The following ZDHHC21 variants were observed in gnomAD, a reference collection of about 807,000 sequenced individuals.
The protein encoded by ZDHHC21 is palmitoyltransferase ZDHHC21.
A neutral mutation model predicts 34.6 loss-of-function variants in ZDHHC21; 15 were observed. That is an observed-to-expected ratio of 0.43 (90% CI 0.29 to 0.67). ZDHHC21 has a LOEUF of 0.67. ZDHHC21 is among the 30% of genes least tolerant of loss of function. The probability of loss-of-function intolerance (pLI) is 0.14; values close to 1 mark genes in which losing one functional copy is unlikely to be tolerated. For missense variants in ZDHHC21, 344 were observed against 327.7 expected (o/e 1.05, Z -0.38); for synonymous variants, 142 against 101.8 (o/e 1.40, Z -2.38).
intron 3 of ZDHHC21, 60 bp from the exon 4 acceptor site, chr9:14,674,445 AT>A: frequency 9.3e-7 from 1 of 1,076,184 alleles, no homozygotes; most frequent in Non-Finnish European, 1.3e-6. Flanking sequence ...TAAAACCTGT[AT>A]TTCTGGCAAC....
chr9:14,668,918 T>A (rs201317752), intron 5 of ZDHHC21, among the ~76,000 whole-genome samples: 13 of 117,958 alleles, frequency 1.1e-4, no homozygotes, highest in South Asian at 7.2e-4. Flanking sequence ...AACCTAGGCA[T>A]TACCATTCAG....
At chr9:14,621,524 T>C (rs1345023358) in intron 8 of ZDHHC21, among the ~76,000 whole-genome samples, 4 of 152,136 alleles carry the variant, frequency 2.6e-5, no homozygotes, top group Non-Finnish European at 5.9e-5. Context: ...ATAAGCATGG[T>C]TATTCTTTCA....
Position 14,615,069 on chromosome 9 carries a change from T to A in ZDHHC21, c.*3897A>T, listed in dbSNP as rs919591515. 1.3e-5 allele frequency: 2 copies of A among 151,714 alleles called. No homozygotes were observed. The highest frequency in any genetic ancestry group is 3.9e-4 in the East Asian group (2 of 5,186). The allele number at this position is 151,714 out of a possible 1,614,324, so 9.4% of individuals were successfully genotyped here. A position where few individuals can be genotyped will look rare whatever the true frequency, so the allele number is the denominator to read the frequency against. On this transcript the variant is annotated 3_prime_UTR_variant, in exon 10 of 10. Transcript: ENST00000380916. Reference sequence around the variant, plus strand: ...AATGGCATATTAAACCAGAGCTTGGTACATTGTGATTTTATAGCAATACAT... The same window carrying A: ...AATGGCATATTAAACCAGAGCTTGGAACATTGTGATTTTATAGCAATACAT...
At chr9:14,642,313 G>C (rs1022481911) in intron 7 of ZDHHC21, among the ~76,000 whole-genome samples, 3 of 152,100 alleles carry the variant, frequency 2.0e-5, no homozygotes, top group Non-Finnish European at 4.4e-5. Context: ...CTGTTCTCTA[G>C]AGTACATCTT....
chr9:14,615,570 C>T lies in ZDHHC21; in HGVS notation c.*3396G>A, dbSNP rs1393052418. ...TATTTTTATTATAATGAAACATCAG[C>T]TAACTTGATATTTTTAAACTGTAAG... On this transcript the variant is annotated 3_prime_UTR_variant, in exon 10 of 10. Coordinates refer to ENST00000380916, the MANE Select transcript of ZDHHC21 (RefSeq NM_178566.6). 1 of 151,548 alleles carries T rather than the reference C, an allele frequency of 6.6e-6. No homozygotes were observed. The highest frequency in any genetic ancestry group is 1.5e-5 in the Non-Finnish European group (1 of 67,648). 9.4% of individuals were successfully genotyped at this position (151,548 alleles called of 1,614,324 possible).
intron 8 of ZDHHC21, among the ~76,000 whole-genome samples, chr9:14,635,662 C>T (rs1828164603): frequency 6.6e-6 from 1 of 152,130 alleles, no homozygotes; most frequent in African/African-American, 2.4e-5. Flanking sequence ...TAGACTGGTC[C>T]TACAAGAAAT....
intron 8 of ZDHHC21, among the ~76,000 whole-genome samples, chr9:14,629,093 T>C (rs189911176): frequency 3.9e-5 from 6 of 152,312 alleles, no homozygotes; most frequent in East Asian, 1.9e-4. Flanking sequence ...GGATAACAAA[T>C]AGAATATATC....
intron 8 of ZDHHC21, among the ~76,000 whole-genome samples, chr9:14,635,306 T>C (rs540881762): frequency 6.6e-6 from 1 of 152,296 alleles, no homozygotes; most frequent in East Asian, 1.9e-4. Flanking sequence ...TAGCAAGTGA[T>C]CAAGACACCT....
chr9:14,657,888 G>A (rs1451027879), intron 7 of ZDHHC21, among the ~76,000 whole-genome samples: 1 of 151,998 alleles, frequency 6.6e-6, no homozygotes, highest in African/African-American at 2.4e-5. Flanking sequence ...TTACTCCAGG[G>A]AATATGTACA....
At chr9:14,678,814 G>C (rs979438456) in intron 3 of ZDHHC21, among the ~76,000 whole-genome samples, 1 of 152,064 alleles carries the variant, frequency 6.6e-6, no homozygotes, top group African/African-American at 2.4e-5. Context: ...TACACCCATA[G>C]TGTAGACTAT....
downstream of ZDHHC21, among the ~76,000 whole-genome samples, chr9:14,609,466 A>G (rs867993324): frequency 9.2e-5 from 14 of 152,134 alleles, no homozygotes; most frequent in African/African-American, 3.4e-4. Flanking sequence ...TTCAAGGACA[A>G]CTACTGACAG....
At chr9:14,644,315 A>G (rs987226680) in intron 7 of ZDHHC21, among the ~76,000 whole-genome samples, 1 of 152,176 alleles carries the variant, frequency 6.6e-6, no homozygotes, top group Admixed American at 6.5e-5. Flanking sequence ...TCTATGTGTA[A>G]TGACAGTTTT....
At chr9:14,664,248 G>C (rs572014532) in intron 5 of ZDHHC21, among the ~76,000 whole-genome samples, 2 of 152,106 alleles carry the variant, frequency 1.3e-5, no homozygotes, top group African/African-American at 4.8e-5. Context: ...AAGGGGTGAC[G>C]GACGCACCTG....
the ZDHHC21 span, among the ~76,000 whole-genome samples, chr9:14,599,896 G>A: frequency 1.3e-5 from 2 of 152,120 alleles, no homozygotes; most frequent in Non-Finnish European, 2.9e-5. Context: ...CAGAACCAAT[G>A]ACAGAAACCA....
chr9:14,685,809 G>A (rs79122400), intron 2 of ZDHHC21, among the ~76,000 whole-genome samples: 2,172 of 152,236 alleles, frequency 0.014, 63 homozygotes, highest in East Asian at 0.096. Context: ...CAACCCAAAT[G>A]TTCATCAATG....
chr9:14,632,174 C>T (rs1232814771), intron 8 of ZDHHC21, among the ~76,000 whole-genome samples: 1 of 151,824 alleles, frequency 6.6e-6, no homozygotes. Flanking sequence ...AGAATATATT[C>T]AGTAAAAATG....
At chr9:14,653,505 C>T (rs999222656) in intron 7 of ZDHHC21, among the ~76,000 whole-genome samples, 1 of 151,984 alleles carries the variant, frequency 6.6e-6, no homozygotes, top group East Asian at 1.9e-4. Context: ...TGGAATTTTA[C>T]TAAAGATTTG....
chr9:14,654,028 T>C (rs1831735257), intron 7 of ZDHHC21, among the ~76,000 whole-genome samples: 1 of 152,022 alleles, frequency 6.6e-6, no homozygotes, highest in African/African-American at 2.4e-5. Context: ...CTGCTTTTTA[T>C]CTGAAAGTAC....
intron 5 of ZDHHC21, among the ~76,000 whole-genome samples, chr9:14,664,284 T>C (rs1179820712): frequency 2.6e-5 from 4 of 152,104 alleles, no homozygotes; most frequent in African/African-American, 9.7e-5. Flanking sequence ...CCCACCCTAA[T>C]ACTGCGCTTT....
Sources: gnomAD v4.1 joint callset for allele counts (sites outside exome capture counted in the v4.1 genomes callset) on GRCh38, gnomAD v4.1.1 for gene constraint, MANE v1.5 for transcripts, NCBI Gene and HGNC (gene_info 2026-07-23, HGNC 2026-07-21) for gene names.